The following TLE5 variants were observed in gnomAD, a reference collection of about 807,000 sequenced individuals.
The protein encoded by TLE5 is TLE family member 5.
A neutral mutation model predicts 25.8 loss-of-function variants in TLE5; 7 were observed. The ratio of observed to expected loss-of-function variants is 0.27; its 90% confidence interval spans 0.15 to 0.51. The LOEUF is 0.51. Among genes scored for constraint, TLE5 ranks in the 20% least tolerant of loss-of-function variants. The pLI is 0.97. For synonymous variants in TLE5, 132 were observed against 110.5 expected (o/e 1.20, Z -1.22); for missense variants, 149 against 250.7 (o/e 0.59, Z 2.74).
At chr19:3,062,574 A>G (rs1369883386), upstream of TLE5, 37 of 851,234 alleles carry the variant, frequency 4.3e-5, no homozygotes, top group East Asian at 2.5e-4. Context: ...GAGGGGGGGG[A>G]CGCGCGCGCC....
intron 3 of TLE5, 34 bp from the exon 4 acceptor site, chr19:3,056,390 G>A (rs2090218928): frequency 1.5e-6 from 1 of 673,718 alleles, no homozygotes; most frequent in East Asian, 4.9e-5. Flanking sequence ...AGCGGGAGAT[G>A]GGGGTGGGGA....
chr19:3,057,733 G>C lies in TLE5; in HGVS notation c.135C>G (p.Leu45=), dbSNP rs139924030. ...LLQAQYHSLK[L]ECDKLASEKS... ...TCTCACTGGCCAACTTGTCACATTC[G>C]AGCTTGAGGCTGAGGAGGCACAGGG... Residue 45 remains leucine (L), a synonymous_variant, in exon 3 of 7, where the codon CTC becomes CTG. Transcript: ENST00000327141. The C allele has an allele frequency of 6.2e-7, 1 of 1,613,616 alleles. No homozygotes were observed. Among genetic ancestry groups the C allele is most frequent in the Non-Finnish European group, 8.5e-7 (1 of 1,179,954 alleles).
intron 6 of TLE5, 34 bp downstream of exon 6, chr19:3,054,086 T>TCGGGGGGGGGGGGGCCCCC: frequency 7.9e-6 from 12 of 1,512,720 alleles, no homozygotes; most frequent in African/African-American, 1.4e-5. Flanking sequence ...GGCCCACCTG[T>TCGGGGGGGGGGGGGCCCCC]CCCCCGCCCA....
chr19:3,061,570 G>A (rs1413640168), intron 1 of TLE5, among the ~76,000 whole-genome samples: 2 of 151,896 alleles, frequency 1.3e-5, no homozygotes, highest in Non-Finnish European at 2.9e-5. Flanking sequence ...CGCCGGGAGG[G>A]AGTGCACATC....
chr19:3,060,215 A>T (rs1016544768), intron 2 of TLE5, among the ~76,000 whole-genome samples: 1 of 151,936 alleles, frequency 6.6e-6, no homozygotes, highest in Non-Finnish European at 1.5e-5. Context: ...TATATCCTTA[A>T]ACCAGGAGAG....
At position 3,055,354 on chromosome 19, in the gene TLE5, G is replaced by C. The variant is rs181196254; in HGVS notation, c.297+310C>G. On this transcript the variant is annotated intron_variant, in intron 5 of 6. Coordinates refer to ENST00000327141, the MANE Select transcript of TLE5 (RefSeq NM_001130.6). ...TCTCAAGAGGGTGAAAGGAGGAAGA[G>C]AGATGAGAAAAAAACATTCCTGGTG... is the stretch of plus-strand genomic sequence containing the variant. 2.4e-4 allele frequency: 56 copies of C among 231,616 alleles called. No individual in the cohort carries two copies. The East Asian group carries it at 4.6e-3, about 19-fold the overall frequency. 14.3% of individuals were successfully genotyped at this position (231,616 alleles called of 1,614,324 possible).
intron 6 of TLE5, 34 bp downstream of exon 6, chr19:3,054,086 T>TCGGGGGGGCCCCCCCCCCCCCCC: frequency 6.6e-7 from 1 of 1,512,810 alleles, no homozygotes; most frequent in Non-Finnish European, 8.9e-7. Flanking sequence ...GGCCCACCTG[T>TCGGGGGGGCCCCCCCCCCCCCCC]CCCCCGCCCA....
chr19:3,061,386 C>G (rs1255736003), intron 1 of TLE5, 129 bp from the exon 2 acceptor site: 3 of 591,370 alleles, frequency 5.1e-6, no homozygotes, highest in Non-Finnish European at 5.7e-6. Flanking sequence ...CCCGTGTTTA[C>G]GGCCCCTGGC....
rs142990469 is a variant in TLE5 at position 3,054,179 on chromosome 19, A to G, written c.313T>C (p.Leu105=). ...YLSQEHQQQV[L]GAIERAKQVT... ...TGCTTGGCCCTCTCAATGGCTCCCA[A>G]GACCTGCTGCTGGTGCTGGAAGGGG... The change falls in exon 6 of 7, where the codon TTG becomes CTG. Residue 105 remains leucine (L), a synonymous_variant. Coordinates refer to ENST00000327141, the MANE Select transcript of TLE5 (RefSeq NM_001130.6). 8.0e-5 allele frequency: 128 copies of G among 1,599,432 alleles called. No homozygotes were observed. The highest frequency in any genetic ancestry group is 2.7e-4 in the South Asian group (24 of 90,184).
chr19:3,054,459 A>G (rs1382055485), intron 5 of TLE5: 3 of 571,306 alleles, frequency 5.3e-6, no homozygotes, highest in Non-Finnish European at 9.4e-6. Context: ...AGTAGTTAGG[A>G]AACAGCTTTT....
chr19:3,060,426 G>C (rs924689977), intron 2 of TLE5, among the ~76,000 whole-genome samples: 16 of 142,528 alleles, frequency 1.1e-4, no homozygotes, highest in Admixed American at 5.9e-4. Context: ...TCCGCCTCAC[G>C]GGTTCAAGCA....
intron 3 of TLE5, 53 bp from the exon 4 acceptor site, chr19:3,056,409 G>C (rs556096421): frequency 2.5e-6 from 1 of 395,792 alleles, no homozygotes; most frequent in Non-Finnish European, 4.9e-6. Context: ...GAAGGATGGG[G>C]GGACACGGAG....
rs765659641 is a variant in TLE5, at chr19:3,053,393, C to T, written c.*426G>A. ...CGGGGGAGACTCGGGGTGCCCAGGA[C>T]GGGAAAGGGGCAGCTAGCATTGCGT... is the stretch of plus-strand genomic sequence containing the variant. On this transcript the variant is annotated 3_prime_UTR_variant, in exon 7 of 7. Coordinates refer to ENST00000327141, the MANE Select transcript of TLE5 (RefSeq NM_001130.6). The T allele has an allele frequency of 1.8e-4, 31 of 170,224 alleles. No homozygotes were observed. Among genetic ancestry groups the T allele is most frequent in the Non-Finnish European group, 3.4e-4 (27 of 79,440 alleles). 10.5% of individuals were successfully genotyped at this position (170,224 alleles called of 1,614,324 possible). A position where few individuals can be genotyped will look rare whatever the true frequency, so the allele number is the denominator to read the frequency against.
intron 3 of TLE5, chr19:3,057,381 T>C: frequency 2.4e-6 from 1 of 419,868 alleles, no homozygotes; most frequent in Non-Finnish European, 4.4e-6. Context: ...GCTGTTGGCT[T>C]TCACAGCCGG....
chr19:3,057,968 C>T (rs879520421), intron 2 of TLE5, among the ~76,000 whole-genome samples: 6 of 152,102 alleles, frequency 3.9e-5, no homozygotes, highest in Non-Finnish European at 8.8e-5. Context: ...AATCCTCCTT[C>T]CTCGGCCTCC....
At chr19:3,062,679 G>GC, upstream of TLE5, 1 of 1,407,070 alleles carries the variant, frequency 7.1e-7, no homozygotes, top group Non-Finnish European at 9.2e-7. Context: ...CCGGGCAGCG[G>GC]CCCCCGCCAC....
chr19:3,053,612 G>C lies in TLE5; in HGVS notation c.*207C>G. The C allele has an allele frequency of 1.6e-6, 1 of 610,670 alleles. No homozygotes were observed. The highest frequency in any genetic ancestry group is 2.9e-6 in the Non-Finnish European group (1 of 348,220). 37.8% of individuals were successfully genotyped at this position (610,670 alleles called of 1,614,324 possible). The stretch of plus-strand genomic sequence containing the variant: ...GTATCCACCTAACCAGGCTGCAGGG[G>C]AGGAGGAGGGAAGCCGGGAATGGGG... On this transcript the variant is annotated 3_prime_UTR_variant, in exon 7 of 7. Transcript: ENST00000327141.
rs1011589426 is a variant in TLE5 at position 3,055,467 on chromosome 19, G to T, written c.297+197C>A. 1.5e-5 allele frequency: 6 copies of T among 406,352 alleles called. 1 individual carries two copies. The highest frequency in any genetic ancestry group is 8.6e-5 in the Admixed American group (2 of 23,370). The allele number at this position is 406,352 out of a possible 1,614,324, so 25.2% of individuals were successfully genotyped here. A position where few individuals can be genotyped will look rare whatever the true frequency, so the allele number is the denominator to read the frequency against. ...GCAGGGTGAGGCCCGCCCCCCACAC[G>T]CCTGCACCCCTGGAGTGTCTCTGGC... On this transcript the variant is annotated intron_variant, in intron 5 of 6. Transcript: ENST00000327141.
upstream of TLE5, chr19:3,062,790 ACCTGGAC>A (rs1485884311): frequency 1.3e-6 from 2 of 1,550,070 alleles, no homozygotes; most frequent in Non-Finnish European, 1.7e-6. Context: ...CTGTGGCACG[ACCTGGAC>A]GCGTGCCACG....
Sources: allele counts gnomAD v4.1 joint callset (sites outside exome capture counted in the v4.1 genomes callset), GRCh38; gene constraint gnomAD v4.1.1; transcripts MANE v1.5; gene names NCBI Gene and HGNC (gene_info 2026-07-23, HGNC 2026-07-21).